KDM2A: variants seen among roughly 807,000 people sequenced by gnomAD.
KDM2A encodes lysine-specific demethylase 2A.
In KDM2A, 3 loss-of-function variants were observed where a neutral mutation model predicts 137.3. The ratio of observed to expected loss-of-function variants is 0.02; its 90% CI spans 0.01 to 0.06. KDM2A has a LOEUF of 0.06. KDM2A is among the 10% of genes least tolerant of loss of function. KDM2A has a pLI of 1.00. For missense variants in KDM2A, 738 were observed against 1,510.6 expected, an observed-to-expected ratio of 0.49 and a Z score of 8.48; for synonymous variants, 512 against 541.5, an observed-to-expected ratio of 0.95 and a Z score of 0.76.
intron 2 of KDM2A, 132 bp downstream of exon 2, chr11:67,121,490 G>A: frequency 2.6e-6 from 2 of 767,102 alleles, no homozygotes; most frequent in Non-Finnish European, 4.4e-6. Flanking sequence ...AGAGGAGGGG[G>A]AAAGGTGTAT....
rs565620291 is a variant in KDM2A at position 67,149,810 on chromosome 11, T to C, written c.42+28452T>C. 1.1e-4 allele frequency among the ~76,000 whole-genome samples: 17 copies of C among 151,484 alleles called. No homozygotes were observed. In the South Asian group the frequency reaches 3.6e-3, roughly 32 times the overall value. On this transcript the variant is annotated intron_variant, in intron 2 of 20. Transcript: ENST00000529006. ...ATCTCGGCTCACTGCAACCTCGGCC[T>C]CCCAGGTTCAAGTGATTCTCCTGCC...
At chr11:67,150,379 T>C (rs767995824) in intron 2 of KDM2A, among the ~76,000 whole-genome samples, 7 of 152,028 alleles carry the variant, frequency 4.6e-5, no homozygotes, top group African/African-American at 7.2e-5. Context: ...AAAGGAGAGG[T>C]TGGGGGAAGA....
intron 2 of KDM2A, among the ~76,000 whole-genome samples, chr11:67,127,815 C>G (rs1252520181): frequency 6.6e-6 from 1 of 152,078 alleles, no homozygotes; most frequent in Non-Finnish European, 1.5e-5. Context: ...TCAAGCGATT[C>G]TCCTGCTTCA....
In KDM2A at chr11:67,149,173, T is replaced by C. The variant is rs139184798; in HGVS notation, c.42+27815T>C. The C allele has an allele frequency of 9.9e-5, 15 of 152,272 alleles. No individual in the cohort carries two copies. In the East Asian group the frequency reaches 2.5e-3, roughly 25 times the overall value. 9.4% of individuals were successfully genotyped at this position (152,272 alleles called of 1,614,324 possible). ...TGAATGTATTCCCTTCCTGAATAAA[T>C]TGACTGTTCCCTTAGTGTAGGGCTA... On this transcript the variant is annotated intron_variant, in intron 2 of 20. Coordinates refer to ENST00000529006, the MANE Select transcript of KDM2A (RefSeq NM_012308.3).
intron 10 of KDM2A, among the ~76,000 whole-genome samples, chr11:67,219,947 A>T (rs1311424631): frequency 2.6e-5 from 4 of 152,024 alleles, no homozygotes; most frequent in Non-Finnish European, 5.9e-5. Flanking sequence ...TCCTTTTTTT[A>T]AAATTTTATT....
intron 12 of KDM2A, among the ~76,000 whole-genome samples, chr11:67,239,345 C>A (rs532128463): frequency 6.6e-6 from 1 of 152,266 alleles, no homozygotes; most frequent in South Asian, 2.1e-4. Context: ...ATTTCTAGTA[C>A]TGTACTGTGG....
intron 5 of KDM2A, among the ~76,000 whole-genome samples, chr11:67,192,691 C>A (rs546516671): frequency 9.9e-5 from 15 of 151,984 alleles, no homozygotes; most frequent in Middle Eastern, 3.4e-3. Flanking sequence ...GTGATCCATC[C>A]GCCTTGGCCT....
intron 5 of KDM2A, among the ~76,000 whole-genome samples, chr11:67,202,917 T>A (rs1478214352): frequency 2.1e-5 from 3 of 146,132 alleles, no homozygotes. Flanking sequence ...ATTACCAGAG[T>A]CCAGGAGTTT....
chr11:67,217,011 A>G (rs998777658), intron 8 of KDM2A, among the ~76,000 whole-genome samples: 3 of 152,166 alleles, frequency 2.0e-5, no homozygotes, highest in East Asian at 1.9e-4. Flanking sequence ...TGGGAGGCCA[A>G]GGTGGGTGGA....
chr11:67,120,611 C>T (rs1168099210), intron 1 of KDM2A, among the ~76,000 whole-genome samples: 1 of 152,062 alleles, frequency 6.6e-6, no homozygotes, highest in Non-Finnish European at 1.5e-5. Flanking sequence ...TTGATTTGCA[C>T]CTCTGAAATT....
chr11:67,150,131 A>T (rs1856352576), intron 2 of KDM2A, among the ~76,000 whole-genome samples: 2 of 152,230 alleles, frequency 1.3e-5, no homozygotes, highest in Admixed American at 6.5e-5. Context: ...AACCCTAGAC[A>T]AGTTTAATTA....
chr11:67,193,658 C>T lies in KDM2A; in HGVS notation c.307+11766C>T, dbSNP rs1472800179. On this transcript the variant is annotated intron_variant, in intron 5 of 20. Transcript: ENST00000529006. ...GACAGATCACCTGAGGTCGGGAGTTCGAGACCAGCCTGACCAACATGGCAA... is the reference window on the plus strand; with the variant it reads ...GACAGATCACCTGAGGTCGGGAGTTTGAGACCAGCCTGACCAACATGGCAA... Among the ~76,000 whole-genome samples, 5 of 151,914 alleles carry T rather than the reference C, an allele frequency of 3.3e-5. No individual in the cohort carries two copies. In the South Asian group the frequency reaches 8.3e-4, roughly 25 times the overall value.
At chr11:67,166,258 C>G (rs1454648129) in intron 2 of KDM2A, among the ~76,000 whole-genome samples, 3 of 145,570 alleles carry the variant, frequency 2.1e-5, no homozygotes, top group Non-Finnish European at 4.5e-5. Flanking sequence ...GATCTCGGCT[C>G]ACTGTAATCT....
rs1859384590 is a variant in KDM2A, at chr11:67,250,536, C to T, written c.2506C>T (p.Leu836=). 2 of 1,613,918 alleles carry T rather than the reference C, an allele frequency of 1.2e-6. No homozygotes were observed. Among genetic ancestry groups the T allele is most frequent in the Non-Finnish European group, 1.7e-6 (2 of 1,179,862 alleles). Residue 836 remains leucine, a synonymous_variant, in exon 17 of 21, where the codon CTA becomes TTA. Coordinates refer to ENST00000529006, the MANE Select transcript of KDM2A (RefSeq NM_012308.3). The surrounding 1 kb of genome is among the most constrained non-coding windows in gnomAD (Gnocchi z 7.1). ...SANLRHSPRV[L]VQHCPARTPQ... ...CAACCTTCGCCATTCCCCCCGTGTG[C>T]TAGTGCAGCACTGCCCAGCCCGAAC...
intron 2 of KDM2A, among the ~76,000 whole-genome samples, chr11:67,158,764 T>C (rs1405366767): frequency 6.6e-6 from 1 of 152,168 alleles, no homozygotes; most frequent in East Asian, 1.9e-4. Flanking sequence ...GCTCGTATTA[T>C]AGGCGTGAAC....
chr11:67,196,514 T>G, intron 5 of KDM2A: 1 of 455,362 alleles, frequency 2.2e-6, no homozygotes, highest in East Asian at 6.9e-5. Context: ...CATAATGTGC[T>G]ATTTCCATTC....
At chr11:67,248,875 C>T (rs1859326254) in intron 16 of KDM2A, among the ~76,000 whole-genome samples, 1 of 152,230 alleles carries the variant, frequency 6.6e-6, no homozygotes, top group Admixed American at 6.5e-5. Context: ...GCCCCTCCCC[C>T]AGAGAGGACC....
At chr11:67,235,309 T>C (rs1356567281) in intron 12 of KDM2A, among the ~76,000 whole-genome samples, 1 of 150,720 alleles carries the variant, frequency 6.6e-6, no homozygotes, top group Non-Finnish European at 1.5e-5. Flanking sequence ...AGAATTTTTT[T>C]TTTTTTTTTT....
intron 6 of KDM2A, among the ~76,000 whole-genome samples, chr11:67,214,128 C>A (rs1039683932): frequency 2.6e-5 from 4 of 151,792 alleles, no homozygotes; most frequent in Non-Finnish European, 5.9e-5. Context: ...AGAACCTCCA[C>A]CTCCTGGGTT....
Sources: gnomAD v4.1 joint callset for allele counts (sites outside exome capture counted in the v4.1 genomes callset) on GRCh38, gnomAD v4.1.1 for gene constraint, Gnocchi (gnomAD v3.1) non-coding constraint, MANE v1.5 for transcripts, NCBI Gene and HGNC (gene_info 2026-07-23, HGNC 2026-07-21) for gene names.